Variants in COG6 observed in about 807,000 individuals in gnomAD.
COG6 encodes the protein component of oligomeric golgi complex 6.
COG6 carries 74 observed loss-of-function variants against 88.8 expected under a neutral mutation model. That is an observed-to-expected ratio of 0.83 (90% confidence interval 0.69 to 1.01). COG6 has a LOEUF of 1.01. Among genes scored for constraint, COG6 ranks in the 50% least tolerant of loss-of-function variants. The pLI, the probability that COG6 is intolerant of heterozygous loss-of-function variation, is 0.00. For missense variants in COG6, 800 were observed against 797.9 expected, an observed-to-expected ratio of 1.00 and a Z score of -0.03; for synonymous variants, 286 against 278.7, an observed-to-expected ratio of 1.03 and a Z score of -0.26.
At chr13:39,724,632 A>G in intron 17 of COG6, 71 bp downstream of exon 17, 1 of 1,176,576 alleles carries the variant, frequency 8.5e-7, no homozygotes, top group Non-Finnish European at 1.3e-6. Context: ...TTGCTGTGTG[A>G]TAATTTCATT....
chr13:39,725,026 A>AG (rs1879058723), intron 17 of COG6, among the ~76,000 whole-genome samples: 1 of 151,908 alleles, frequency 6.6e-6, no homozygotes, highest in Non-Finnish European at 1.5e-5. Context: ...CCTTCTTTTC[A>AG]GGTGAAGATC....
At chr13:39,730,867 G>C (rs1879408659) in intron 18 of COG6, among the ~76,000 whole-genome samples, 1 of 149,930 alleles carries the variant, frequency 6.7e-6, no homozygotes, top group Non-Finnish European at 1.5e-5. Context: ...TGTCACCCAG[G>C]CTGGAGTGCA....
At chr13:39,766,035 G>A (rs907694019) in intron 18 of COG6, among the ~76,000 whole-genome samples, 1 of 152,158 alleles carries the variant, frequency 6.6e-6, no homozygotes, top group Non-Finnish European at 1.5e-5. Context: ...CCTGATAACT[G>A]TGCCAGCCTG....
At chr13:39,772,836 A>G (rs1881358255) in intron 18 of COG6, among the ~76,000 whole-genome samples, 1 of 152,238 alleles carries the variant, frequency 6.6e-6, no homozygotes, top group East Asian at 1.9e-4. Context: ...AGAGCCTCCA[A>G]ATGTTCCAGC....
At chr13:39,775,999 C>T (rs1475870551) in intron 18 of COG6, among the ~76,000 whole-genome samples, 1 of 152,124 alleles carries the variant, frequency 6.6e-6, no homozygotes, top group Non-Finnish European at 1.5e-5. Context: ...GAACTCCCCA[C>T]CTCAGGTGAT....
intron 15 of COG6, among the ~76,000 whole-genome samples, 167 bp downstream of exon 15, chr13:39,719,994 AACACACAC>A (rs58617808): frequency 3.6e-4 from 53 of 147,766 alleles, no homozygotes; most frequent in African/African-American, 5.2e-4. Flanking sequence ...GCACATACAC[AACACACAC>A]ACACACACAC....
intron 4 of COG6, among the ~76,000 whole-genome samples, chr13:39,674,142 A>G (rs1048645171): frequency 1.3e-4 from 20 of 151,810 alleles, no homozygotes; most frequent in Non-Finnish European, 2.8e-4. Context: ...TACACGTGCC[A>G]TGTTGGTGTG....
chr13:39,675,060 T>A (rs988045698), intron 4 of COG6, among the ~76,000 whole-genome samples: 3 of 152,204 alleles, frequency 2.0e-5, no homozygotes, highest in African/African-American at 7.2e-5. Context: ...TGATCTATTA[T>A]GTATTTTTCC....
At chr13:39,701,940 T>A (rs530379635) in intron 13 of COG6, among the ~76,000 whole-genome samples, 61 of 152,164 alleles carry the variant, frequency 4.0e-4, no homozygotes, top group African/African-American at 1.4e-3. Flanking sequence ...CAGAATTATT[T>A]GTTGAAAAGA....
chr13:39,714,388 C>A (rs949845013), intron 13 of COG6, among the ~76,000 whole-genome samples: 1 of 151,628 alleles, frequency 6.6e-6, no homozygotes, highest in Non-Finnish European at 1.5e-5. Flanking sequence ...TGAAAAAGGA[C>A]TGATATCCAG....
chr13:39,673,335 T>C (rs1875764091), intron 4 of COG6, among the ~76,000 whole-genome samples: 1 of 152,054 alleles, frequency 6.6e-6, no homozygotes, highest in African/African-American at 2.4e-5. Flanking sequence ...AGATAAAAAT[T>C]TAGAAATTTA....
chr13:39,657,963 A>T (rs960273326), intron 1 of COG6, among the ~76,000 whole-genome samples: 7 of 152,082 alleles, frequency 4.6e-5, no homozygotes, highest in Non-Finnish European at 8.8e-5. Flanking sequence ...ACATGGGCGG[A>T]ACTCTTGATT....
At chr13:39,671,988 C>T (rs1275885527) in intron 4 of COG6, among the ~76,000 whole-genome samples, 1 of 151,922 alleles carries the variant, frequency 6.6e-6, no homozygotes, top group African/African-American at 2.4e-5. Context: ...TATTAATGCT[C>T]TTTGTACCCA....
At chr13:39,656,745 C>T in intron 1 of COG6, 3 of 435,008 alleles carry the variant, frequency 6.9e-6, no homozygotes, top group Middle Eastern at 3.4e-4. Context: ...GCTCTGGAGA[C>T]TACCACTTAT....
chr13:39,694,132 T>A (rs1170251369), intron 11 of COG6, among the ~76,000 whole-genome samples: 1 of 151,898 alleles, frequency 6.6e-6, no homozygotes. Context: ...GGTAGTCTTA[T>A]AATTTGGCAA....
At chr13:39,666,381 A>G (rs1324452404) in intron 4 of COG6, among the ~76,000 whole-genome samples, 1 of 152,176 alleles carries the variant, frequency 6.6e-6, no homozygotes, top group Non-Finnish European at 1.5e-5. Flanking sequence ...AGCCTGGGTG[A>G]CAGAAGGAGA....
chr13:39,765,533 G>A (rs1436207335), intron 18 of COG6, among the ~76,000 whole-genome samples: 2 of 152,154 alleles, frequency 1.3e-5, no homozygotes, highest in South Asian at 2.1e-4. Context: ...AATGTGTTAT[G>A]GTACTCAATC....
rs574394411 is a variant in COG6 at position 39,658,770 on chromosome 13, A to C, written c.154-594A>C. On this transcript the variant is annotated intron_variant, in intron 1 of 18. Transcript: ENST00000455146. ...TTGCCTACACTGAGGCCTCAGTTCA[A>C]AGTCACCTCAGAGAGGCCTTCCCCT... Among the ~76,000 whole-genome samples, 360 of 152,216 alleles carry C rather than the reference A, an allele frequency of 2.4e-3. 1 individual carries two copies. The highest frequency in any genetic ancestry group is 4.9e-3 in the African/African-American group (203 of 41,522).
At chr13:39,777,987 T>C (rs1035870833) in intron 18 of COG6, among the ~76,000 whole-genome samples, 1 of 152,192 alleles carries the variant, frequency 6.6e-6, no homozygotes, top group Non-Finnish European at 1.5e-5. Flanking sequence ...TTAACATTCA[T>C]GGTATCAGCA....
Sources: gnomAD v4.1 joint callset for allele counts (sites outside exome capture counted in the v4.1 genomes callset) on GRCh38, gnomAD v4.1.1 for gene constraint, MANE v1.5 for transcripts, NCBI Gene and HGNC (gene_info 2026-07-23, HGNC 2026-07-21) for gene names.